The following PCDHGB7 variants were observed in gnomAD, a reference collection of about 807,000 sequenced individuals.
PCDHGB7 encodes the protein protocadherin gamma-B7.
PCDHGB7 carries 37 observed loss-of-function variants against 61.4 expected under a neutral mutation model. The ratio of observed to expected loss-of-function variants is 0.60; its 90% CI spans 0.46 to 0.79. The LOEUF is 0.79. Ranked by LOEUF, PCDHGB7 falls within the 30% of genes least tolerant of loss-of-function variation. The pLI is 0.00. For missense variants in PCDHGB7, 1,166 were observed against 1,202.5 expected (o/e 0.97, Z 0.45); for synonymous variants, 464 against 503.5 (o/e 0.92, Z 1.05).
At chr5:141,500,116 C>T (rs1458562489) in intron 2 of PCDHGB7, among the ~76,000 whole-genome samples, 4 of 149,046 alleles carry the variant, frequency 2.7e-5, no homozygotes, top group Admixed American at 2.0e-4. Context: ...GAATCCCTGC[C>T]TTTTCATATA....
chr5:141,430,994 C>T, intron 1 of PCDHGB7: 1 of 1,613,950 alleles, frequency 6.2e-7, no homozygotes, highest in East Asian at 2.2e-5. Context: ...CGCCCTGAAT[C>T]CGCGCAGCGG....
chr5:141,477,193 C>G lies in PCDHGB7; in HGVS notation c.2416-17614C>G. The G allele has an allele frequency of 6.2e-7, 1 of 1,614,176 alleles. No homozygotes were observed. Among genetic ancestry groups the G allele is most frequent in the Non-Finnish European group, 8.5e-7 (1 of 1,180,036 alleles). On this transcript the variant is annotated intron_variant, in intron 1 of 3. Transcript: ENST00000398594. This position sits in a 1 kb window ranked among gnomAD's most constrained non-coding sequence, Gnocchi z 4.9. ...AGATCACAGTCACCTCCGTGTACAG[C>G]CCAGTACCCGAGGATGCCCCTCTGG...
chr5:141,453,870 C>A (rs932804656), intron 1 of PCDHGB7, among the ~76,000 whole-genome samples: 2 of 152,146 alleles, frequency 1.3e-5, no homozygotes, highest in African/African-American at 4.8e-5. Context: ...AACAGATGAG[C>A]AAAATAATGT....
chr5:141,446,482 CTT>C (rs112180482), intron 1 of PCDHGB7, among the ~76,000 whole-genome samples: 6 of 147,048 alleles, frequency 4.1e-5, no homozygotes, highest in East Asian at 4.0e-4. Context: ...GGTCATCATT[CTT>C]TTTTTTTTTT....
chr5:141,505,592 A>T, intron 3 of PCDHGB7, 111 bp downstream of exon 3: 2 of 1,567,266 alleles, frequency 1.3e-6, no homozygotes, highest in Admixed American at 3.6e-5. Flanking sequence ...GTTTCTCCAG[A>T]TCTTTCGGCA....
Position 141,486,397 on chromosome 5 carries a change from G to A in PCDHGB7, c.2416-8410G>A, listed in dbSNP as rs778989869. The A allele has an allele frequency of 5.0e-6, 8 of 1,614,046 alleles. No individual in the cohort carries two copies. The South Asian group carries it at 7.7e-5, about 16-fold the overall frequency. ...CCTTCAGGAACCAGTTCTCCCTGGT[G>A]ACTGCTGGACCCTTGGATCGAGAGG... On this transcript the variant is annotated intron_variant, in intron 1 of 3. Transcript: ENST00000398594. The surrounding 1 kb of genome is among the most constrained non-coding windows in gnomAD (Gnocchi z 5.0).
rs1353509218 is a variant in PCDHGB7, at chr5:141,512,908, TTTATACTC to T, written c.*1737_*1744del. ...CCCTCTTCCTGTGTCTCACGCAAGTTTTATACTCTAATATTTATATGGCTTTTTTTCTT... is the reference window on the plus strand; with the variant it reads ...CCCTCTTCCTGTGTCTCACGCAAGTTTAATATTTATATGGCTTTTTTTCTT... On this transcript the variant is annotated 3_prime_UTR_variant, in exon 4 of 4. Transcript: ENST00000398594. 6.6e-6 allele frequency: 1 copy of T among 152,268 alleles called. No individual in the cohort carries two copies. Among genetic ancestry groups the T allele is most frequent in the Non-Finnish European group, 1.5e-5 (1 of 68,054 alleles). 9.4% of individuals were successfully genotyped at this position (152,268 alleles called of 1,614,324 possible).
chr5:141,428,479 T>A (rs577865239), intron 1 of PCDHGB7: 1 of 328,682 alleles, frequency 3.0e-6, no homozygotes, highest in African/African-American at 2.1e-5. Flanking sequence ...TTTGCTTTAT[T>A]CCTGCAATCT....
At position 141,421,041 on chromosome 5, in the gene PCDHGB7, C is replaced by T. The variant is rs963777669; in HGVS notation, c.2415+767C>T. The T allele has an allele frequency of 1.8e-5, 10 of 546,514 alleles. No individual in the cohort carries two copies. The African/African-American group carries it at 1.9e-4, about 11-fold the overall frequency. 33.9% of individuals were successfully genotyped at this position (546,514 alleles called of 1,614,324 possible). A position where few individuals can be genotyped will look rare whatever the true frequency, so the allele number is the denominator to read the frequency against. ...CTGCGCGCCATTGAGTCCCTCCCTC[C>T]CCCGCCTCTACCACACAAAGCGGAA... On this transcript the variant is annotated intron_variant, in intron 1 of 3. Coordinates refer to ENST00000398594, the MANE Select transcript of PCDHGB7 (RefSeq NM_018927.4).
chr5:141,455,055 G>T (rs1019622889), intron 1 of PCDHGB7, among the ~76,000 whole-genome samples: 1 of 151,602 alleles, frequency 6.6e-6, no homozygotes, highest in African/African-American at 2.4e-5. Flanking sequence ...CTCGTGATCC[G>T]CCCGCCTCGG....
At chr5:141,452,251 ACT>A (rs899414988) in intron 1 of PCDHGB7, among the ~76,000 whole-genome samples, 29 of 152,204 alleles carry the variant, frequency 1.9e-4, no homozygotes, top group African/African-American at 6.7e-4. Flanking sequence ...TTTTGCCATA[ACT>A]CTCTCATTTT....
chr5:141,431,333 C>G lies in PCDHGB7; in HGVS notation c.2415+11059C>G. 1.2e-6 allele frequency: 2 copies of G among 1,614,058 alleles called. No individual in the cohort carries two copies. The highest frequency in any genetic ancestry group is 2.2e-5 in the South Asian group (2 of 91,088). Reference sequence around the variant, plus strand: ...AAATGGAGCCGACGGTAGTAAGTACCCCGAATTGGTGCTGAAACGCGCCCT... The same window carrying G: ...AAATGGAGCCGACGGTAGTAAGTACGCCGAATTGGTGCTGAAACGCGCCCT... On this transcript the variant is annotated intron_variant, in intron 1 of 3. Coordinates refer to ENST00000398594, the MANE Select transcript of PCDHGB7 (RefSeq NM_018927.4). The surrounding 1 kb of genome is among the most constrained non-coding windows in gnomAD (Gnocchi z 4.8).
chr5:141,475,955 C>A, intron 1 of PCDHGB7: 1 of 800,218 alleles, frequency 1.2e-6, no homozygotes, highest in Non-Finnish European at 1.9e-6. Flanking sequence ...TTCTGCGCCC[C>A]GGGATGAGGC....
At chr5:141,421,316 G>A in intron 1 of PCDHGB7, 1 of 1,613,866 alleles carries the variant, frequency 6.2e-7, no homozygotes, top group Non-Finnish European at 8.5e-7. Flanking sequence ...TTCCGGGCCA[G>A]GCAGATCCGA....
chr5:141,432,025 G>T lies in PCDHGB7; in HGVS notation c.2415+11751G>T. ...AGGTTCCTAGCTACAACATCACAGT[G>T]ACCGCCACTGACCGGGGAACCCCGC... On this transcript the variant is annotated intron_variant, in intron 1 of 3. Coordinates refer to ENST00000398594, the MANE Select transcript of PCDHGB7 (RefSeq NM_018927.4). The surrounding 1 kb of genome is among the most constrained non-coding windows in gnomAD (Gnocchi z 6.0). The T allele has an allele frequency of 6.2e-7, 1 of 1,614,158 alleles. No homozygotes were observed. The highest frequency in any genetic ancestry group is 1.1e-5 in the South Asian group (1 of 91,058).
At chr5:141,438,018 G>A (rs959672278) in intron 1 of PCDHGB7, among the ~76,000 whole-genome samples, 1 of 152,082 alleles carries the variant, frequency 6.6e-6, no homozygotes, top group African/African-American at 2.4e-5. Context: ...TGAGATTACA[G>A]GTGTGAGCCA....
intron 1 of PCDHGB7, chr5:141,433,226 C>G (rs1433770157): frequency 6.6e-7 from 1 of 1,514,890 alleles, no homozygotes; most frequent in Non-Finnish European, 9.0e-7. Context: ...TTTTTAATTG[C>G]TCTGTCTCCC....
intron 1 of PCDHGB7, among the ~76,000 whole-genome samples, chr5:141,430,360 T>C (rs570966246): frequency 1.8e-4 from 27 of 151,522 alleles, no homozygotes; most frequent in Middle Eastern, 3.4e-3. Flanking sequence ...TAAAAGCTCA[T>C]TGGGGAAAAA....
intron 1 of PCDHGB7, among the ~76,000 whole-genome samples, chr5:141,460,958 T>C (rs182414946): frequency 8.2e-6 from 1 of 121,926 alleles, no homozygotes; most frequent in Non-Finnish European, 1.6e-5. Context: ...TATGTATATA[T>C]ATATGTGTGT....
Sources: allele counts gnomAD v4.1 joint callset (sites outside exome capture counted in the v4.1 genomes callset), GRCh38; gene constraint gnomAD v4.1.1; non-coding constraint Gnocchi (gnomAD v3.1); transcripts MANE v1.5; gene names NCBI Gene and HGNC (gene_info 2026-07-23, HGNC 2026-07-21).